Variants in FSTL4 observed in about 807,000 individuals in gnomAD.
The protein encoded by FSTL4 is follistatin-related protein 4.
In FSTL4, 28 loss-of-function variants were observed where a neutral mutation model predicts 78.2. The ratio of observed to expected loss-of-function variants is 0.36; its 90% confidence interval spans 0.27 to 0.49. The LOEUF (loss-of-function observed/expected upper bound fraction) is 0.49, where lower values mean the gene tolerates loss of function less well. FSTL4 is among the 20% of genes least tolerant of loss of function. The pLI, the probability that FSTL4 is intolerant of heterozygous loss-of-function variation, is 0.98. For missense variants in FSTL4, 922 were observed against 1,084.9 expected, an observed-to-expected ratio of 0.85 and a Z score of 2.11; for synonymous variants, 422 against 440.5, an observed-to-expected ratio of 0.96 and a Z score of 0.53.
At chr5:133,684,547 T>C in the FSTL4 span, among the ~76,000 whole-genome samples, 3 of 152,196 alleles carry the variant, frequency 2.0e-5, no homozygotes, top group East Asian at 1.9e-4. Flanking sequence ...CAAGTACCCA[T>C]TGAGGCCTTT....
the FSTL4 span, among the ~76,000 whole-genome samples, chr5:133,618,690 C>T: frequency 0.24 from 35,815 of 152,134 alleles, 4,440 homozygotes; most frequent in Admixed American, 0.32. Flanking sequence ...AAATTAAGCT[C>T]AAAGAAGTTA....
the FSTL4 span, among the ~76,000 whole-genome samples, chr5:133,740,152 G>C: frequency 2.0e-5 from 3 of 152,092 alleles, no homozygotes. Context: ...CCAAAGTGCT[G>C]GGATTACAGG....
Position 133,205,690 on chromosome 5 carries a change from A to C in FSTL4, c.1717-3648T>G, listed in dbSNP as rs114065010. Among the ~76,000 whole-genome samples the C allele has an allele frequency of 5.4e-3, 823 of 152,306 alleles. 7 individuals carry two copies. Among genetic ancestry groups the C allele is most frequent in the African/African-American group, 0.017 (724 of 41,558 alleles). ...AACTTTATATTCTATTTTCTTTAGG[A>C]GCTCAGTGAATCTAAACATTAAGTT... On this transcript the variant is annotated intron_variant, in intron 14 of 15. Transcript: ENST00000265342.
chr5:133,813,411 C>T, the FSTL4 span, among the ~76,000 whole-genome samples: 4 of 152,174 alleles, frequency 2.6e-5, no homozygotes, highest in South Asian at 2.1e-4. Context: ...GTACTTTATA[C>T]ACATTGAACA....
At chr5:133,505,082 A>G (rs1210831750) in intron 3 of FSTL4, among the ~76,000 whole-genome samples, 1 of 152,240 alleles carries the variant, frequency 6.6e-6, no homozygotes, top group Non-Finnish European at 1.5e-5. Context: ...TAGATTGTAC[A>G]GGAAGATTTC....
At chr5:133,713,615 C>T in the FSTL4 span, among the ~76,000 whole-genome samples, 1 of 152,182 alleles carries the variant, frequency 6.6e-6, no homozygotes, top group Non-Finnish European at 1.5e-5. Context: ...CTTCCATCTT[C>T]CCAGGATACC....
intron 4 of FSTL4, among the ~76,000 whole-genome samples, chr5:133,325,530 T>C (rs748393747): frequency 3.3e-5 from 5 of 151,854 alleles, no homozygotes; most frequent in African/African-American, 4.8e-5. Context: ...CTGCCACTGC[T>C]GGAAGCAATC....
chr5:133,774,407 G>A, the FSTL4 span, among the ~76,000 whole-genome samples: 1 of 152,096 alleles, frequency 6.6e-6, no homozygotes, highest in Non-Finnish European at 1.5e-5. Context: ...GTATCTAGTG[G>A]GTAGAGGCTA....
intron 4 of FSTL4, among the ~76,000 whole-genome samples, chr5:133,388,197 CTT>C (rs954905583): frequency 6.6e-6 from 1 of 152,216 alleles, no homozygotes; most frequent in Admixed American, 6.5e-5. Context: ...TTGAGTTCCT[CTT>C]TGTCAGATTC....
At chr5:133,396,187 C>T (rs1467088857) in intron 4 of FSTL4, among the ~76,000 whole-genome samples, 1 of 152,206 alleles carries the variant, frequency 6.6e-6, no homozygotes, top group Non-Finnish European at 1.5e-5. Flanking sequence ...GCATCTGCTC[C>T]TTGAATAAGC....
rs1482690158 is a variant in FSTL4, at chr5:133,611,901, C to G, written c.-11+424G>C. ...CGGGCCCGGGCCGAGGGGCCGCGCT[C>G]GCCTGGCTCCGCCGGGGCCGCTCGG... On this transcript the variant is annotated intron_variant, in intron 1 of 15. Transcript: ENST00000265342. This position sits in a 1 kb window ranked among gnomAD's most constrained non-coding sequence, Gnocchi z 4.9. 6.6e-6 allele frequency among the ~76,000 whole-genome samples: 1 copy of G among 152,014 alleles called. No individual in the cohort carries two copies. The highest frequency in any genetic ancestry group is 1.5e-5 in the Non-Finnish European group (1 of 67,944).
chr5:133,744,194 C>A, the FSTL4 span, among the ~76,000 whole-genome samples: 1 of 152,230 alleles, frequency 6.6e-6, no homozygotes, highest in South Asian at 2.1e-4. Context: ...TCATAACCAT[C>A]ATGATGATCT....
intron 1 of FSTL4, among the ~76,000 whole-genome samples, chr5:133,604,892 T>C (rs1760945691): frequency 1.3e-5 from 2 of 152,124 alleles, no homozygotes; most frequent in Non-Finnish European, 2.9e-5. Flanking sequence ...TCAATAACCT[T>C]TGAGGTGTTT....
At chr5:133,783,140 G>A in the FSTL4 span, among the ~76,000 whole-genome samples, 5 of 152,150 alleles carry the variant, frequency 3.3e-5, no homozygotes, top group Admixed American at 1.3e-4. Context: ...AAACTCCCAA[G>A]TGCTCACAGT....
chr5:133,744,606 C>G, the FSTL4 span, among the ~76,000 whole-genome samples: 1 of 152,194 alleles, frequency 6.6e-6, no homozygotes, highest in South Asian at 2.1e-4. Flanking sequence ...GTCTGCTCAC[C>G]CTTCTTCCCT....
intron 4 of FSTL4, among the ~76,000 whole-genome samples, chr5:133,321,670 A>G (rs1561671356): frequency 1.3e-5 from 2 of 152,228 alleles, no homozygotes; most frequent in Non-Finnish European, 2.9e-5. Flanking sequence ...AGAATGCCAT[A>G]AGGAGCCCTG....
At chr5:133,487,047 A>G (rs1758152822) in intron 3 of FSTL4, among the ~76,000 whole-genome samples, 1 of 151,910 alleles carries the variant, frequency 6.6e-6, no homozygotes. Flanking sequence ...TACTTATATT[A>G]CCCTTGCCAG....
At chr5:133,629,973 G>A in the FSTL4 span, among the ~76,000 whole-genome samples, 2 of 152,212 alleles carry the variant, frequency 1.3e-5, no homozygotes, top group East Asian at 3.8e-4. Context: ...CTCTCAATAA[G>A]CTAGGTATTG....
chr5:133,199,758 G>A lies in FSTL4; in HGVS notation c.1866C>T (p.His622=), dbSNP rs775387357. 6.3e-6 allele frequency: 10 copies of A among 1,580,066 alleles called. No homozygotes were observed. The highest frequency in any genetic ancestry group is 3.3e-4 in the Middle Eastern group (2 of 6,006). The change falls in exon 16 of 16, where the codon CAC becomes CAT. Residue 622 remains histidine (H), a synonymous_variant. Coordinates refer to ENST00000265342, the MANE Select transcript of FSTL4 (RefSeq NM_015082.2). The surrounding 1 kb of genome is among the most constrained non-coding windows in gnomAD (Gnocchi z 4.4). ...FIFNKSDPAV[H]KVDLETMMPL... is the part of the protein sequence containing the mutation. ...GCATCATTGTTTCCAGGTCCACCTTGTGGACTGCAGGATCAGACTTGTTGA... is the reference window on the plus strand; with the variant it reads ...GCATCATTGTTTCCAGGTCCACCTTATGGACTGCAGGATCAGACTTGTTGA...
Sources: gnomAD v4.1 joint callset for allele counts (sites outside exome capture counted in the v4.1 genomes callset) on GRCh38, gnomAD v4.1.1 for gene constraint, Gnocchi (gnomAD v3.1) non-coding constraint, MANE v1.5 for transcripts, NCBI Gene and HGNC (gene_info 2026-07-23, HGNC 2026-07-21) for gene names.